The following PPP2R2C variants were observed in gnomAD, a reference collection of about 807,000 sequenced individuals.
PPP2R2C encodes the protein protein phosphatase 2, regulatory subunit B, gamma.
In PPP2R2C, 10 loss-of-function variants were observed where a neutral mutation model predicts 45.3. That is an observed-to-expected ratio of 0.22 (90% CI 0.14 to 0.37). The LOEUF (loss-of-function observed/expected upper bound fraction) is 0.37. Among genes scored for constraint, PPP2R2C ranks in the 10% least tolerant of loss-of-function variants. PPP2R2C has a pLI of 1.00. For missense variants in PPP2R2C, 308 were observed against 619.7 expected (o/e 0.50, Z 5.34); for synonymous variants, 257 against 245.4 (o/e 1.05, Z -0.44).
intron 1 of PPP2R2C, among the ~76,000 whole-genome samples, chr4:6,440,413 G>T (rs1720094835): frequency 6.6e-6 from 1 of 152,174 alleles, no homozygotes; most frequent in African/African-American, 2.4e-5. Flanking sequence ...GGGAAACTCA[G>T]AGTCCCCTGG....
At position 6,563,298 on chromosome 4, in the gene PPP2R2C, G is replaced by A. The variant is rs1725644090; in HGVS notation, c.-59+262C>T. The stretch of plus-strand genomic sequence containing the variant: ...GTCGGGTTCCCTCAAGACCCCGAGA[G>A]CACGCGCTCCGGAGGGACCCCGGCA... On this transcript the variant is annotated intron_variant, in intron 1 of 9. Coordinates refer to the PPP2R2C transcript ENST00000506140. The surrounding 1 kb of genome is among the most constrained non-coding windows in gnomAD (Gnocchi z 5.8). Among the ~76,000 whole-genome samples, 1 of 152,146 alleles carries A rather than the reference G, an allele frequency of 6.6e-6. No homozygotes were observed.
intron 1 of PPP2R2C, among the ~76,000 whole-genome samples, chr4:6,537,135 G>A (rs892334128): frequency 1.3e-5 from 2 of 152,058 alleles, no homozygotes; most frequent in African/African-American, 2.4e-5. Flanking sequence ...CCCAGGAGGC[G>A]GAGGTCACAG....
chr4:6,379,876 C>T (rs1715640500), intron 2 of PPP2R2C, among the ~76,000 whole-genome samples: 1 of 152,180 alleles, frequency 6.6e-6, no homozygotes, highest in Non-Finnish European at 1.5e-5. Flanking sequence ...CAAGGATCCT[C>T]AGTTCGTGGG....
intron 1 of PPP2R2C, among the ~76,000 whole-genome samples, chr4:6,547,455 G>A (rs569299050): frequency 2.0e-5 from 3 of 149,906 alleles, no homozygotes; most frequent in Admixed American, 1.3e-4. Flanking sequence ...TCCAGTACCC[G>A]TGGGAACACT....
chr4:6,482,959 C>G (rs1722406603), intron 2 of PPP2R2C, among the ~76,000 whole-genome samples: 1 of 145,194 alleles, frequency 6.9e-6, no homozygotes, highest in Non-Finnish European at 1.5e-5. Context: ...TTTTGTTTGG[C>G]TGCTTGCTTT....
intron 1 of PPP2R2C, among the ~76,000 whole-genome samples, chr4:6,415,226 C>G (rs915343765): frequency 5.6e-4 from 86 of 152,358 alleles, no homozygotes; most frequent in African/African-American, 2.0e-3. Flanking sequence ...AGCATGTCCA[C>G]TGTTACAGCC....
At chr4:6,538,543 A>AG (rs35275828) in intron 1 of PPP2R2C, among the ~76,000 whole-genome samples, 36,769 of 152,162 alleles carry the variant, frequency 0.24, 5,264 homozygotes, top group Admixed American at 0.32. Flanking sequence ...CACTAGGCAA[A>AG]GGAAAATGAG....
chr4:6,385,898 C>A (rs1716174261), intron 1 of PPP2R2C, among the ~76,000 whole-genome samples: 1 of 152,150 alleles, frequency 6.6e-6, no homozygotes. Flanking sequence ...ATTGTGTGCT[C>A]TTCACTAGGT....
Position 6,368,714 on chromosome 4 carries a change from C to T in PPP2R2C, c.625+3809G>A, listed in dbSNP as rs544343751. ...CCTCCATCCTTACAATCTCATTCCT[C>T]CACCGCCTCCCACCCGTGGCCACGC... is the stretch of plus-strand genomic sequence containing the variant. On this transcript the variant is annotated intron_variant, in intron 5 of 8. Transcript: ENST00000382599. The surrounding 1 kb of genome is among the most constrained non-coding windows in gnomAD (Gnocchi z 4.2). 1.3e-5 allele frequency among the ~76,000 whole-genome samples: 2 copies of T among 152,234 alleles called. No homozygotes were observed. Among genetic ancestry groups the T allele is most frequent in the South Asian group, 4.2e-4 (2 of 4,816 alleles).
chr4:6,420,932 C>T, intron 1 of PPP2R2C: 4 of 985,110 alleles, frequency 4.1e-6, no homozygotes, highest in Non-Finnish European at 4.8e-6. Context: ...CAAGCCTCCT[C>T]CTACGCCACC....
In PPP2R2C at chr4:6,381,098, G is replaced by A. The variant is rs769890142; in HGVS notation, c.71-4C>T. 3 of 1,577,158 alleles carry A rather than the reference G, an allele frequency of 1.9e-6. No homozygotes were observed. Among genetic ancestry groups the A allele is most frequent in the Non-Finnish European group, 2.6e-6 (3 of 1,159,346 alleles). ...TCAACGGTAGAGATGATGTCAGCTG[G>A]GAGGGGAACAGCAAGACGGGAAGGG... On this transcript the variant is annotated splice_polypyrimidine_tract_variant and splice_region_variant and intron_variant, in intron 1 of 8. Transcript: ENST00000382599.
intron 1 of PPP2R2C, among the ~76,000 whole-genome samples, chr4:6,393,942 G>A (rs536491419): frequency 6.6e-6 from 1 of 152,326 alleles, no homozygotes; most frequent in East Asian, 1.9e-4. Flanking sequence ...ACCTTCAAAG[G>A]CAACCAGGCA....
At chr4:6,440,242 G>A (rs1334351854) in intron 1 of PPP2R2C, among the ~76,000 whole-genome samples, 1 of 152,250 alleles carries the variant, frequency 6.6e-6, no homozygotes, top group African/African-American at 2.4e-5. Context: ...TTGGATGCGT[G>A]CGCAGATGGA....
chr4:6,326,734 C>T (rs190020441), intron 8 of PPP2R2C, among the ~76,000 whole-genome samples: 219 of 152,352 alleles, frequency 1.4e-3, no homozygotes, highest in African/African-American at 4.7e-3. Context: ...GAATGTGGAC[C>T]AGAGACTGAG....
intron 1 of PPP2R2C, among the ~76,000 whole-genome samples, chr4:6,540,385 G>A (rs909173290): frequency 3.9e-5 from 6 of 152,178 alleles, no homozygotes; most frequent in African/African-American, 1.4e-4. Context: ...GTTCATTGAT[G>A]TTGTAGCGTG....
intron 1 of PPP2R2C, among the ~76,000 whole-genome samples, chr4:6,409,694 C>A (rs1718025323): frequency 6.6e-6 from 1 of 152,170 alleles, no homozygotes; most frequent in South Asian, 2.1e-4. Context: ...CCCCCCATAT[C>A]CCAGCCCTGG....
At chr4:6,506,551 G>A (rs1338083392) in intron 2 of PPP2R2C, among the ~76,000 whole-genome samples, 1 of 152,194 alleles carries the variant, frequency 6.6e-6, no homozygotes, top group Non-Finnish European at 1.5e-5. Flanking sequence ...TCAATGAGAA[G>A]GGCTCAGTCA....
intron 1 of PPP2R2C, among the ~76,000 whole-genome samples, chr4:6,448,897 A>G (rs1343423136): frequency 6.6e-6 from 1 of 152,210 alleles, no homozygotes; most frequent in Non-Finnish European, 1.5e-5. Context: ...TGACCCCAGC[A>G]GGTGGGGGCA....
intron 5 of PPP2R2C, among the ~76,000 whole-genome samples, chr4:6,359,284 G>A (rs1423973743): frequency 5.3e-5 from 8 of 152,200 alleles, no homozygotes; most frequent in Admixed American, 5.2e-4. Flanking sequence ...TCATAGGTGG[G>A]AAGTGAACAA....
Sources: allele counts gnomAD v4.1 joint callset (sites outside exome capture counted in the v4.1 genomes callset), GRCh38; gene constraint gnomAD v4.1.1; non-coding constraint Gnocchi (gnomAD v3.1); transcripts MANE v1.5; gene names NCBI Gene and HGNC (gene_info 2026-07-23, HGNC 2026-07-21).